The following FAM20C variants were observed in gnomAD, a reference collection of about 807,000 sequenced individuals.
FAM20C encodes the protein extracellular serine/threonine protein kinase FAM20C.
In FAM20C, 40 loss-of-function variants were observed where a neutral mutation model predicts 51.5. The observed-to-expected ratio is 0.78, with a 90% CI of 0.60 to 1.01. FAM20C has a LOEUF of 1.01. Among genes scored for constraint, FAM20C ranks in the 50% least tolerant of loss-of-function variants. The pLI is 0.00. For synonymous variants in FAM20C, 406 were observed against 380.6 expected (o/e 1.07, Z -0.78); for missense variants, 861 against 844.7 (o/e 1.02, Z -0.24).
chr7:205,746 G>T (rs1176661238), intron 2 of FAM20C, among the ~76,000 whole-genome samples: 1 of 152,106 alleles, frequency 6.6e-6, no homozygotes, highest in Non-Finnish European at 1.5e-5. Context: ...GGATGGTGGG[G>T]ACTCTGCTTT....
chr7:207,181 G>T (rs371190956), intron 2 of FAM20C, among the ~76,000 whole-genome samples: 1 of 13,046 alleles, frequency 7.7e-5, no homozygotes, highest in Admixed American at 3.4e-4. Context: ...GTGAGGCGTC[G>T]GTCACGGTCC....
intron 5 of FAM20C, among the ~76,000 whole-genome samples, chr7:253,185 C>T (rs568558397): frequency 3.9e-5 from 6 of 152,354 alleles, no homozygotes; most frequent in Admixed American, 1.3e-4. Flanking sequence ...CACCCAGAGC[C>T]GCTGCCCTAA....
Position 215,277 on chromosome 7 carries a change from G to T in FAM20C, c.863+6301G>T, listed in dbSNP as rs898735286. 7.9e-5 allele frequency among the ~76,000 whole-genome samples: 5 copies of T among 63,574 alleles called. No individual in the cohort carries two copies. In the East Asian group the frequency reaches 1.3e-3, roughly 17 times the overall value. The allele number at this position is 63,574 out of a possible 152,430, so 41.7% of individuals were successfully genotyped here. A position where few individuals can be genotyped will look rare whatever the true frequency, so the allele number is the denominator to read the frequency against. ...TGTATGGAGAGGATGGAGCTGGGTG[G>T]GGGGAGCAGGGCCCGTGGTGTATGG... On this transcript the variant is annotated intron_variant, in intron 3 of 9. Transcript: ENST00000313766.
At chr7:195,017 C>G (rs1346183951) in intron 1 of FAM20C, among the ~76,000 whole-genome samples, 1 of 152,330 alleles carries the variant, frequency 6.6e-6, no homozygotes, top group South Asian at 2.1e-4. Context: ...TCTCCCCACC[C>G]AAGGCTGCTC....
At chr7:220,163 C>T (rs1165965846) in intron 3 of FAM20C, among the ~76,000 whole-genome samples, 1 of 152,206 alleles carries the variant, frequency 6.6e-6, no homozygotes, top group African/African-American at 2.4e-5. Flanking sequence ...ACATGCTGCC[C>T]TCGCTGTGGT....
At chr7:228,064 G>A in intron 3 of FAM20C, 1 of 221,636 alleles carries the variant, frequency 4.5e-6, no homozygotes, top group Non-Finnish European at 9.2e-6. Context: ...GAATGGTTCT[G>A]AAGCCCTTTA....
At chr7:228,958 G>A (rs374966725) in intron 3 of FAM20C, 7 of 393,720 alleles carry the variant, frequency 1.8e-5, no homozygotes, top group African/African-American at 4.1e-5. Flanking sequence ...TTCATGGATG[G>A]GGATCACAGC....
intron 3 of FAM20C, among the ~76,000 whole-genome samples, chr7:229,983 A>G (rs1465215622): frequency 6.6e-6 from 1 of 152,122 alleles, no homozygotes; most frequent in South Asian, 2.1e-4. Context: ...GGATAGAAAG[A>G]TGGGGTAGGG....
chr7:196,627 A>G (rs1375064196), intron 2 of FAM20C, among the ~76,000 whole-genome samples: 1 of 152,220 alleles, frequency 6.6e-6, no homozygotes, highest in Non-Finnish European at 1.5e-5. Context: ...CCCAGGCATT[A>G]GCTTCATGTG....
intron 5 of FAM20C, among the ~76,000 whole-genome samples, chr7:253,559 C>T (rs1788478332): frequency 7.3e-6 from 1 of 136,738 alleles, no homozygotes; most frequent in African/African-American, 2.8e-5. Context: ...AGCCCCCACT[C>T]CAAGTGCAGG....
At position 241,852 on chromosome 7, in the gene FAM20C, GGT is replaced by G. The variant is rs1187498738; in HGVS notation, c.864-4551_864-4550del. ...CCGTGTGTACGTTTGTGAGCGTGCA[GGT>G]GTGTGTGTGTGCATGAGTGGGTATG... On this transcript the variant is annotated intron_variant, in intron 3 of 9. Coordinates refer to ENST00000313766, the MANE Select transcript of FAM20C (RefSeq NM_020223.4). Among the ~76,000 whole-genome samples, 68 of 148,154 alleles carry G rather than the reference GGT, an allele frequency of 4.6e-4. 1 individual carries two copies. Among genetic ancestry groups the G allele is most frequent in the East Asian group, 3.4e-3 (17 of 4,992 alleles).
At chr7:235,920 C>T (rs1488764834) in intron 3 of FAM20C, among the ~76,000 whole-genome samples, 2 of 152,234 alleles carry the variant, frequency 1.3e-5, no homozygotes, top group African/African-American at 2.4e-5. Context: ...CCCCCAGCCA[C>T]GGTACGCTCT....
At chr7:256,811 G>C in intron 7 of FAM20C, 48 bp downstream of exon 7, 2 of 1,491,598 alleles carry the variant, frequency 1.3e-6, no homozygotes, top group Non-Finnish European at 9.0e-7. Flanking sequence ...GCCTTGCGTG[G>C]AGCGGATGCA....
At chr7:234,867 C>T (rs1423774954) in intron 3 of FAM20C, among the ~76,000 whole-genome samples, 1 of 152,252 alleles carries the variant, frequency 6.6e-6, no homozygotes, top group Admixed American at 6.5e-5. Context: ...GAGAAGCCCA[C>T]GGCACTGCAT....
chr7:220,440 G>T (rs1019408639), intron 3 of FAM20C, among the ~76,000 whole-genome samples: 2 of 152,122 alleles, frequency 1.3e-5, no homozygotes, highest in African/African-American at 2.4e-5. Flanking sequence ...GAACAAATAC[G>T]CAGGAACGTT....
rs185910187 is a variant in FAM20C at position 260,217 on chromosome 7, C to T, written c.*237C>T. 1.3e-3 allele frequency: 613 copies of T among 480,406 alleles called. 8 individuals carry two copies. In the East Asian group the frequency reaches 0.016, roughly 12 times the overall value. The allele number at this position is 480,406 out of a possible 1,614,324, so 29.8% of individuals were successfully genotyped here. On this transcript the variant is annotated 3_prime_UTR_variant, in exon 10 of 10. Coordinates refer to ENST00000313766, the MANE Select transcript of FAM20C (RefSeq NM_020223.4). ...TGTGCTCACGGACAGAGGCGGCCGG[C>T]GCCGGAGGCATTCCATCCTTTCTGT...
At chr7:206,981 T>A (rs1273425340) in intron 2 of FAM20C, among the ~76,000 whole-genome samples, 1 of 46,464 alleles carries the variant, frequency 2.2e-5, no homozygotes, top group East Asian at 9.9e-4. Flanking sequence ...CGCACACGTA[T>A]CCACTGTGAG....
In FAM20C at chr7:192,673, C is replaced by A. The variant is rs545106583; in HGVS notation, c.-527C>A. 3.0e-4 allele frequency among the ~76,000 whole-genome samples: 45 copies of A among 149,722 alleles called. No individual in the cohort carries two copies. Among genetic ancestry groups the A allele is most frequent in the African/African-American group, 1.1e-3 (45 of 41,196 alleles). On this transcript the variant is annotated 5_prime_UTR_variant, in exon 1 of 10. Transcript: ENST00000313766. ...CCCACCCCTTCCGCCCTTCGCCCCC[C>A]CCTTCCCCCCAGCCCCGGTCTCCCG...
At chr7:217,554 T>A (rs1337174018) in intron 3 of FAM20C, among the ~76,000 whole-genome samples, 4 of 152,088 alleles carry the variant, frequency 2.6e-5, no homozygotes, top group Non-Finnish European at 4.4e-5. Context: ...GTCCCTAGAA[T>A]GCACTGGATG....
Sources: gnomAD v4.1 joint callset for allele counts (sites outside exome capture counted in the v4.1 genomes callset) on GRCh38, gnomAD v4.1.1 for gene constraint, MANE v1.5 for transcripts, NCBI Gene and HGNC (gene_info 2026-07-23, HGNC 2026-07-21) for gene names.